CLIP4: variants seen among roughly 807,000 people sequenced by gnomAD.
CLIP4 encodes CAP-Gly domain-containing linker protein 4.
A neutral mutation model predicts 73.1 loss-of-function variants in CLIP4; 47 were observed. The ratio of observed to expected loss-of-function variants is 0.64; its 90% CI spans 0.51 to 0.82. The LOEUF (loss-of-function observed/expected upper bound fraction) is 0.82, where lower values mean the gene tolerates loss of function less well. CLIP4 is among the 40% of genes least tolerant of loss of function. CLIP4 has a pLI of 0.00. For missense variants in CLIP4, 874 were observed against 852.9 expected, an observed-to-expected ratio of 1.02 and a Z score of -0.31; for synonymous variants, 306 against 295.4, an observed-to-expected ratio of 1.04 and a Z score of -0.37.
rs764009522 is a variant in CLIP4 at position 29,156,452 on chromosome 2, C to A, written c.1255+9C>A. Reference sequence around the variant, plus strand: ...TGTGACAGAGAAAGATGGTAATATACCTTGTAACCTCTGTTTCTCAAAATT... The same window carrying A: ...TGTGACAGAGAAAGATGGTAATATAACTTGTAACCTCTGTTTCTCAAAATT... On this transcript the variant is annotated intron_variant, in intron 10 of 15. Coordinates refer to ENST00000320081, the MANE Select transcript of CLIP4 (RefSeq NM_024692.6). 7 of 1,523,888 alleles carry A rather than the reference C, an allele frequency of 4.6e-6. No homozygotes were observed. Among genetic ancestry groups the A allele is most frequent in the Middle Eastern group, 1.7e-4 (1 of 5,854 alleles). 94.4% of individuals were successfully genotyped at this position (1,523,888 alleles called of 1,614,324 possible). A position where few individuals can be genotyped will look rare whatever the true frequency, so the allele number is the denominator to read the frequency against.
chr2:29,106,167 T>C, intron 1 of CLIP4, among the ~76,000 whole-genome samples: 1 of 152,188 alleles, frequency 6.6e-6, no homozygotes, highest in South Asian at 2.1e-4. Flanking sequence ...AACTGCTCTA[T>C]GACCTGATTT....
intron 8 of CLIP4, among the ~76,000 whole-genome samples, chr2:29,147,767 T>A (rs1666270379): frequency 6.6e-6 from 1 of 152,196 alleles, no homozygotes. Flanking sequence ...CATCTTCACC[T>A]CACAGTGCTG....
In CLIP4 at chr2:29,169,655, A is replaced by G. The variant is rs151279431; in HGVS notation, c.1723+2115A>G. Among the ~76,000 whole-genome samples the G allele has an allele frequency of 6.8e-3, 1,031 of 152,162 alleles. 15 individuals are homozygous for G. Among genetic ancestry groups the G allele is most frequent in the African/African-American group, 0.024 (978 of 41,502 alleles). On this transcript the variant is annotated intron_variant, in intron 14 of 15. Transcript: ENST00000320081. ...GTAGTTGTACATATTTTTGGGGTAC[A>G]TGTGATAATTTGATGCACGTATACA...
intron 8 of CLIP4, among the ~76,000 whole-genome samples, chr2:29,148,212 A>G (rs970989028): frequency 6.6e-6 from 1 of 152,184 alleles, no homozygotes; most frequent in African/African-American, 2.4e-5. Context: ...TAAGCTACTT[A>G]AGGTGGAGGG....
chr2:29,112,117 C>CT (rs1296816094), upstream of CLIP4, among the ~76,000 whole-genome samples: 7 of 152,144 alleles, frequency 4.6e-5, no homozygotes, highest in African/African-American at 1.7e-4. Context: ...ATTCTGTTTC[C>CT]TATTTGCTCT....
upstream of CLIP4, among the ~76,000 whole-genome samples, chr2:29,113,479 A>G (rs1668433805): frequency 6.6e-6 from 1 of 152,224 alleles, no homozygotes; most frequent in Middle Eastern, 3.2e-3. This position sits in a 1 kb window ranked among gnomAD's most constrained non-coding sequence, Gnocchi z 4.0. Context: ...TATTCTAGGA[A>G]GCATGACTCC....
intron 6 of CLIP4, among the ~76,000 whole-genome samples, chr2:29,138,360 A>G (rs1182956803): frequency 6.6e-6 from 1 of 151,718 alleles, no homozygotes; most frequent in African/African-American, 2.4e-5. Context: ...ATTGGTCTAT[A>G]TGTCTATTTT....
chr2:29,174,534 T>G, intron 15 of CLIP4, 89 bp downstream of exon 15: 1 of 1,525,676 alleles, frequency 6.6e-7, no homozygotes, highest in South Asian at 1.3e-5. Context: ...CTGTATCTTT[T>G]GCATTGCTTG....
At chr2:29,113,333 ACAGTT>A (rs1300416431), upstream of CLIP4, among the ~76,000 whole-genome samples, 1 of 152,168 alleles carries the variant, frequency 6.6e-6, no homozygotes, top group Admixed American at 6.5e-5. This position sits in a 1 kb window ranked among gnomAD's most constrained non-coding sequence, Gnocchi z 4.0. Flanking sequence ...CTCAGCAGCT[ACAGTT>A]GGTCCACATC....
intron 14 of CLIP4, among the ~76,000 whole-genome samples, chr2:29,173,632 T>C (rs1668152111): frequency 6.6e-6 from 1 of 152,238 alleles, no homozygotes; most frequent in Non-Finnish European, 1.5e-5. Context: ...AGCTCGATAG[T>C]ATTTTTTAAA....
intron 8 of CLIP4, among the ~76,000 whole-genome samples, chr2:29,148,938 T>C (rs1270482352): frequency 3.9e-5 from 6 of 152,202 alleles, no homozygotes; most frequent in Non-Finnish European, 8.8e-5. Flanking sequence ...CCTCAAACTT[T>C]ATGTGATAAT....
chr2:29,152,275 A>G (rs73920710), intron 8 of CLIP4, among the ~76,000 whole-genome samples: 1,805 of 152,276 alleles, frequency 0.012, 36 homozygotes, highest in African/African-American at 0.041. Context: ...TTATTTGCCA[A>G]TTGCTTAGAA....
At chr2:29,152,623 A>G in intron 8 of CLIP4, 62 bp from the exon 9 acceptor site, 2 of 1,537,920 alleles carry the variant, frequency 1.3e-6, no homozygotes, top group Non-Finnish European at 1.8e-6. Context: ...AATTAGTTGT[A>G]CTTGTTCCTT....
At chr2:29,148,549 A>G (rs564385121) in intron 8 of CLIP4, among the ~76,000 whole-genome samples, 3 of 152,366 alleles carry the variant, frequency 2.0e-5, no homozygotes, top group African/African-American at 7.2e-5. Flanking sequence ...AAGGCTTATT[A>G]CAAAACTGTC....
chr2:29,164,656 A>G (rs558700667), intron 13 of CLIP4, among the ~76,000 whole-genome samples: 1 of 152,290 alleles, frequency 6.6e-6, no homozygotes, highest in African/African-American at 2.4e-5. Context: ...ATGAGAGATA[A>G]CATATATGGC....
chr2:29,159,987 A>G (rs909438801), intron 11 of CLIP4, among the ~76,000 whole-genome samples: 2 of 152,230 alleles, frequency 1.3e-5, no homozygotes, highest in African/African-American at 4.8e-5. Context: ...CTGTCCAGCA[A>G]TTTGCAGAAA....
At chr2:29,172,415 T>G (rs1668070180) in intron 14 of CLIP4, among the ~76,000 whole-genome samples, 1 of 152,156 alleles carries the variant, frequency 6.6e-6, no homozygotes, top group Non-Finnish European at 1.5e-5. Flanking sequence ...AATTTTAGGT[T>G]TAAAGATATT....
At chr2:29,181,357 G>A (rs995997839) in intron 15 of CLIP4, among the ~76,000 whole-genome samples, 2 of 152,142 alleles carry the variant, frequency 1.3e-5, no homozygotes, top group South Asian at 2.1e-4. Context: ...CTGTGTATGC[G>A]TGGACCCACG....
Position 29,130,695 on chromosome 2 carries a change from G to T in CLIP4, c.134-563G>T, listed in dbSNP as rs1184711441. On this transcript the variant is annotated intron_variant, in intron 2 of 15. Transcript: ENST00000320081. ...CAATCTTTCTGATTCTCTTCTGATG[G>T]ACTGCTGCTCTGCTTGTATATGTGT... 6.1e-6 allele frequency: 7 copies of T among 1,142,822 alleles called. No individual in the cohort carries two copies. The Admixed American group carries it at 2.1e-4, about 34-fold the overall frequency. The allele number at this position is 1,142,822 out of a possible 1,614,324, so 70.8% of individuals were successfully genotyped here. A position where few individuals can be genotyped will look rare whatever the true frequency, so the allele number is the denominator to read the frequency against.
Sources: allele counts gnomAD v4.1 joint callset (sites outside exome capture counted in the v4.1 genomes callset), GRCh38; gene constraint gnomAD v4.1.1; non-coding constraint Gnocchi (gnomAD v3.1); transcripts MANE v1.5; gene names NCBI Gene and HGNC (gene_info 2026-07-23, HGNC 2026-07-21).